The following ETNK1 variants were observed in gnomAD, a reference collection of about 807,000 sequenced individuals.
ETNK1 encodes ethanolamine kinase 1, also known as putative protein product of Nbla10396.
A neutral mutation model predicts 45.1 loss-of-function variants in ETNK1; 8 were observed. That is an observed-to-expected ratio of 0.18 (90% confidence interval 0.10 to 0.32). The LOEUF is 0.32. Among genes scored for constraint, ETNK1 ranks in the 10% least tolerant of loss-of-function variants. The probability of loss-of-function intolerance (pLI) is 1.00; values close to 1 mark genes in which losing one functional copy is unlikely to be tolerated. For synonymous variants in ETNK1, 152 were observed against 151.9 expected, an observed-to-expected ratio of 1.00 and a Z score of -0.01; for missense variants, 302 against 430.6, an observed-to-expected ratio of 0.70 and a Z score of 2.64.
At chr12:22,662,241 T>C (rs12825477) in intron 4 of ETNK1, among the ~76,000 whole-genome samples, 2 of 141,472 alleles carry the variant, frequency 1.4e-5, no homozygotes, top group South Asian at 2.2e-4. Flanking sequence ...CTAATTTTTG[T>C]ATTTTTTTTT....
At chr12:22,671,463 G>T in intron 5 of ETNK1, 108 bp downstream of exon 5, 1 of 755,078 alleles carries the variant, frequency 1.3e-6, no homozygotes. Context: ...TTTCCCACGT[G>T]TTGTTGACCG....
intron 4 of ETNK1, among the ~76,000 whole-genome samples, chr12:22,669,968 A>T (rs1485642475): frequency 6.6e-6 from 1 of 152,028 alleles, no homozygotes; most frequent in Admixed American, 6.6e-5. Context: ...TCTAGATGTG[A>T]CTTATTTAAA....
At chr12:22,678,123 C>T (rs1175785028) in intron 6 of ETNK1, among the ~76,000 whole-genome samples, 1 of 152,168 alleles carries the variant, frequency 6.6e-6, no homozygotes, top group African/African-American at 2.4e-5. Flanking sequence ...ACCTTCCTCT[C>T]TTACCAACTC....
chr12:22,666,561 ATGACTTTTGG>A (rs1954055570), intron 4 of ETNK1, among the ~76,000 whole-genome samples: 1 of 152,162 alleles, frequency 6.6e-6, no homozygotes, highest in Non-Finnish European at 1.5e-5. Context: ...TATTGGTCTC[ATGACTTTTGG>A]TGACTTTCAT....
At chr12:22,679,948 T>A (rs1171461411) in intron 6 of ETNK1, among the ~76,000 whole-genome samples, 1 of 152,180 alleles carries the variant, frequency 6.6e-6, no homozygotes, top group Non-Finnish European at 1.5e-5. Context: ...CACCTCGGCC[T>A]CCCCGAGTGT....
At chr12:22,675,933 A>G (rs896962235) in intron 6 of ETNK1, among the ~76,000 whole-genome samples, 2 of 152,194 alleles carry the variant, frequency 1.3e-5, no homozygotes, top group Non-Finnish European at 2.9e-5. Flanking sequence ...TAAGTGTTAT[A>G]CTCTGAGATT....
In ETNK1 at chr12:22,625,352, C is replaced by T; in HGVS notation, c.-79C>T. 1 of 1,565,456 alleles carries T rather than the reference C, an allele frequency of 6.4e-7. No individual in the cohort carries two copies. On this transcript the variant is annotated 5_prime_UTR_variant, in exon 1 of 8. Coordinates refer to ENST00000266517, the MANE Select transcript of ETNK1 (RefSeq NM_018638.5). ...GAGGGCGCCCCGGGACGGAAGGATC[C>T]ACCAGTCTGTCGGCGCCCGCCGTTC...
intron 2 of ETNK1, among the ~76,000 whole-genome samples, chr12:22,655,348 T>C (rs1329035731): frequency 8.0e-5 from 12 of 149,776 alleles, no homozygotes; most frequent in Admixed American, 7.3e-4. Flanking sequence ...TTTTTTTTTT[T>C]TTTTCGAGAC....
intron 3 of ETNK1, among the ~76,000 whole-genome samples, chr12:22,659,994 T>C (rs1953982930): frequency 6.9e-6 from 1 of 144,302 alleles, no homozygotes; most frequent in Admixed American, 7.0e-5. Context: ...TTAAGTTTTA[T>C]AATCCTTCGA....
In ETNK1 at chr12:22,671,268, A is replaced by G. The variant is rs1321999643; in HGVS notation, c.701-4A>G. On this transcript the variant is annotated splice_region_variant and splice_polypyrimidine_tract_variant and intron_variant, in intron 4 of 7. Transcript: ENST00000266517. ...TAATGTCTTTGTTTTTGTGTCTCAC[A>G]TAGGTGATGTACAGTTCATTGATTA... 1 of 1,588,210 alleles carries G rather than the reference A, an allele frequency of 6.3e-7. No individual in the cohort carries two copies. The highest frequency in any genetic ancestry group is 1.7e-5 in the Admixed American group (1 of 59,792).
intron 6 of ETNK1, among the ~76,000 whole-genome samples, chr12:22,678,238 C>G (rs908709521): frequency 1.3e-5 from 2 of 152,170 alleles, no homozygotes; most frequent in Admixed American, 1.3e-4. Flanking sequence ...AACCCTGAAT[C>G]TTACTCCTTT....
chr12:22,673,643 G>T lies in ETNK1; in HGVS notation c.928G>T (p.Val310Phe). The T allele has an allele frequency of 6.2e-7, 1 of 1,613,290 alleles. No homozygotes were observed. The highest frequency in any genetic ancestry group is 8.5e-7 in the Non-Finnish European group (1 of 1,179,598). The part of the protein sequence containing the change: ...EKEVEILFIQ[V>F]NQFALASHFF... ...GGAGGTAGAAATACTCTTCATTCAA[G>T]TCAATCAGTTTGCATTGGTAAGTTT... Residue 310 changes from valine (V) to phenylalanine (F), a missense_variant, in exon 6 of 8, where the codon GTC (valine) becomes TTC (phenylalanine). Around this residue, in one of 3 missense-constraint regions of ETNK1, gnomAD observed 94 missense variants for 152.9 expected, o/e 0.61. Coordinates refer to ENST00000266517, the MANE Select transcript of ETNK1 (RefSeq NM_018638.5).
At chr12:22,634,622 T>A (rs2137520510) in intron 1 of ETNK1, among the ~76,000 whole-genome samples, 1 of 152,338 alleles carries the variant, frequency 6.6e-6, no homozygotes, top group East Asian at 1.9e-4. Context: ...TGAGGCTGGG[T>A]CTCACTCTGT....
chr12:22,649,382 G>A (rs1158173649), intron 2 of ETNK1, among the ~76,000 whole-genome samples: 1 of 152,044 alleles, frequency 6.6e-6, no homozygotes, highest in African/African-American at 2.4e-5. Flanking sequence ...CATTTTGACA[G>A]AATTTTAATG....
intron 1 of ETNK1, among the ~76,000 whole-genome samples, chr12:22,626,790 G>C (rs562472625): frequency 6.6e-6 from 1 of 152,122 alleles, no homozygotes; most frequent in African/African-American, 2.4e-5. Context: ...GGGAGTATTT[G>C]TTAGCCGAGA....
rs540155172 is a variant in ETNK1, at chr12:22,670,444, G to A, written c.701-828G>A. Among the ~76,000 whole-genome samples the A allele has an allele frequency of 2.0e-5, 3 of 151,244 alleles. No individual in the cohort carries two copies. The East Asian group carries it at 5.8e-4, about 29-fold the overall frequency. On this transcript the variant is annotated intron_variant, in intron 4 of 7. Transcript: ENST00000266517. ...AATATAGGACCTATATCTTTGTTAA[G>A]GCAAATCCTTTATAATATTCATTAC...
intron 2 of ETNK1, among the ~76,000 whole-genome samples, chr12:22,653,470 GT>G (rs1953902603): frequency 6.6e-6 from 1 of 151,980 alleles, no homozygotes; most frequent in Admixed American, 6.6e-5. Flanking sequence ...TAACAATATT[GT>G]TTTCCAATCC....
At chr12:22,649,414 A>G (rs1953846514) in intron 2 of ETNK1, among the ~76,000 whole-genome samples, 1 of 152,078 alleles carries the variant, frequency 6.6e-6, no homozygotes, top group African/African-American at 2.4e-5. Flanking sequence ...GTCTATGTCT[A>G]GATTCATGTT....
intron 4 of ETNK1, among the ~76,000 whole-genome samples, chr12:22,670,044 A>G (rs1416344118): frequency 2.0e-5 from 3 of 152,074 alleles, no homozygotes; most frequent in Non-Finnish European, 4.4e-5. Context: ...GTAAAACACT[A>G]TTTGCCATGA....
Sources: allele counts gnomAD v4.1 joint callset (sites outside exome capture counted in the v4.1 genomes callset), GRCh38; gene constraint gnomAD v4.1.1; regional missense constraint gnomAD v4.1.1; transcripts MANE v1.5; gene names NCBI Gene and HGNC (gene_info 2026-07-23, HGNC 2026-07-21).